Variants in RGS7 observed in about 807,000 individuals in gnomAD.
RGS7 encodes the protein regulator of G protein signaling 7, also known as regulator of G-protein signaling 7.
RGS7 carries 27 observed loss-of-function variants against 81.1 expected under a neutral mutation model. The observed-to-expected ratio is 0.33, with a 90% CI of 0.25 to 0.46. The LOEUF (loss-of-function observed/expected upper bound fraction) is 0.46, where lower values mean the gene tolerates loss of function less well. Ranked by LOEUF, RGS7 falls within the 20% of genes least tolerant of loss-of-function variation. RGS7 has a pLI of 1.00. For missense variants in RGS7, 396 were observed against 607.4 expected (o/e 0.65, Z 3.66); for synonymous variants, 208 against 207.7 (o/e 1.00, Z -0.01).
At chr1:241,050,782 T>C (rs906490580) in intron 3 of RGS7, among the ~76,000 whole-genome samples, 1 of 152,216 alleles carries the variant, frequency 6.6e-6, no homozygotes, top group African/African-American at 2.4e-5. Flanking sequence ...AGTAAGTATA[T>C]CTTCTCTTCC....
intron 2 of RGS7, among the ~76,000 whole-genome samples, chr1:241,243,491 T>C (rs1356035365): frequency 2.0e-5 from 3 of 151,918 alleles, no homozygotes; most frequent in South Asian, 4.2e-4. Flanking sequence ...GGGAGAGAAA[T>C]GGATGAATTT....
At chr1:241,081,415 C>T (rs973125522) in intron 3 of RGS7, among the ~76,000 whole-genome samples, 1 of 152,244 alleles carries the variant, frequency 6.6e-6, no homozygotes, top group African/African-American at 2.4e-5. Flanking sequence ...TATGCCTGCA[C>T]TATGTTTGCT....
rs1462601789 is a variant in RGS7 at position 240,991,881 on chromosome 1, A to AT, written c.176-8753dup. 4.6e-5 allele frequency among the ~76,000 whole-genome samples: 7 copies of AT among 152,260 alleles called. No individual in the cohort carries two copies. In the East Asian group the frequency reaches 1.2e-3, roughly 25 times the overall value. On this transcript the variant is annotated intron_variant, in intron 3 of 18. Transcript: ENST00000440928. ...GATCATTCTTGCCCTCAACACATAT[A>AT]TTTTTTTCCAGCTACACACAGGCCA...
At chr1:241,047,829 T>A (rs938113514) in intron 3 of RGS7, among the ~76,000 whole-genome samples, 2 of 135,554 alleles carry the variant, frequency 1.5e-5, no homozygotes, top group Non-Finnish European at 3.1e-5. Flanking sequence ...AACCTCCGCC[T>A]CCCAGGTTCA....
chr1:241,223,712 A>G (rs1243606387), intron 2 of RGS7, among the ~76,000 whole-genome samples: 1 of 47,338 alleles, frequency 2.1e-5, no homozygotes, highest in African/African-American at 7.7e-5. Context: ...AGACATTGCA[A>G]AAAAAAAAAA....
rs148262602 is a variant in RGS7, at chr1:240,849,142, G to A, written c.609+19445C>T. Among the ~76,000 whole-genome samples, 965 of 152,216 alleles carry A rather than the reference G, an allele frequency of 6.3e-3. 14 individuals carry two copies. Among genetic ancestry groups the A allele is most frequent in the African/African-American group, 0.022 (917 of 41,514 alleles). On this transcript the variant is annotated intron_variant, in intron 9 of 18. Coordinates refer to ENST00000440928, the MANE Select transcript of RGS7 (RefSeq NM_001364886.1). ...TTTTCCAGAATAATTCTATCATGTGGTGTGAGATTTCCAGAGAGGTGTATC... is the reference window on the plus strand; with the variant it reads ...TTTTCCAGAATAATTCTATCATGTGATGTGAGATTTCCAGAGAGGTGTATC...
In RGS7 at chr1:241,332,165, C is replaced by T. The variant is rs115733969; in HGVS notation, c.78+23534G>A. Reference sequence around the variant, plus strand: ...AGTAATGGAAATCGTAAGCACAGGACTGGAGTTAAGTGAAGCATCAGCCAG... The same window carrying T: ...AGTAATGGAAATCGTAAGCACAGGATTGGAGTTAAGTGAAGCATCAGCCAG... On this transcript the variant is annotated intron_variant, in intron 2 of 18. Coordinates refer to ENST00000440928, the MANE Select transcript of RGS7 (RefSeq NM_001364886.1). 6.8e-3 allele frequency among the ~76,000 whole-genome samples: 1,034 copies of T among 152,236 alleles called. 9 individuals carry two copies. The highest frequency in any genetic ancestry group is 0.01 in the Middle Eastern group (3 of 294).
At chr1:241,009,695 T>C (rs1260926544) in intron 3 of RGS7, among the ~76,000 whole-genome samples, 2 of 152,146 alleles carry the variant, frequency 1.3e-5, no homozygotes, top group Admixed American at 1.3e-4. Context: ...AACCCAGAAA[T>C]TGGAAGTGAA....
At chr1:241,222,415 A>G (rs897197772) in intron 2 of RGS7, among the ~76,000 whole-genome samples, 23 of 152,166 alleles carry the variant, frequency 1.5e-4, no homozygotes, top group Admixed American at 1.2e-3. Flanking sequence ...TGATTCTAAT[A>G]TGTCAATAAT....
chr1:241,224,812 T>C (rs1388648767), intron 2 of RGS7, among the ~76,000 whole-genome samples: 1 of 152,156 alleles, frequency 6.6e-6, no homozygotes, highest in East Asian at 1.9e-4. Context: ...GGCAAGCTTT[T>C]CTGAACAGGT....
chr1:240,782,067 T>G (rs1039802067), intron 18 of RGS7, among the ~76,000 whole-genome samples: 1 of 152,016 alleles, frequency 6.6e-6, no homozygotes, highest in Admixed American at 6.5e-5. Context: ...GCAGACAGCA[T>G]GGATGCCCAA....
At chr1:240,884,614 C>G (rs1031998729) in intron 6 of RGS7, among the ~76,000 whole-genome samples, 2 of 152,156 alleles carry the variant, frequency 1.3e-5, no homozygotes, top group East Asian at 3.9e-4. Flanking sequence ...ATTCCTGCAA[C>G]CATTTGATCT....
intron 2 of RGS7, among the ~76,000 whole-genome samples, chr1:241,134,591 A>G (rs1428414027): frequency 6.6e-6 from 1 of 152,174 alleles, no homozygotes; most frequent in African/African-American, 2.4e-5. Context: ...CTATCCCCAC[A>G]CCTACGCCAT....
chr1:241,140,161 T>C (rs967136064), intron 2 of RGS7, among the ~76,000 whole-genome samples: 8 of 152,188 alleles, frequency 5.3e-5, no homozygotes, highest in Admixed American at 3.3e-4. Flanking sequence ...GAGAGCAACA[T>C]TGAAGAGCAT....
At chr1:240,922,059 A>C (rs1210975326) in intron 6 of RGS7, among the ~76,000 whole-genome samples, 3 of 152,092 alleles carry the variant, frequency 2.0e-5, no homozygotes, top group Non-Finnish European at 4.4e-5. Flanking sequence ...AAATAAATCA[A>C]GGAAAAAGAA....
intron 4 of RGS7, among the ~76,000 whole-genome samples, chr1:240,973,877 G>A (rs1375803566): frequency 1.3e-5 from 2 of 152,238 alleles, no homozygotes; most frequent in East Asian, 1.9e-4. Flanking sequence ...ACTGCGCCCG[G>A]CCAGAGACAT....
intron 3 of RGS7, among the ~76,000 whole-genome samples, chr1:241,057,588 C>T (rs573648086): frequency 1.1e-4 from 17 of 152,272 alleles, no homozygotes; most frequent in African/African-American, 4.1e-4. Context: ...ATTCTTCTTA[C>T]TGTAGGATCT....
intron 2 of RGS7, among the ~76,000 whole-genome samples, chr1:241,278,815 C>G (rs1223276851): frequency 6.6e-6 from 1 of 152,222 alleles, no homozygotes; most frequent in Non-Finnish European, 1.5e-5. Context: ...TGACTTCTTT[C>G]ACTGCACTTG....
intron 3 of RGS7, among the ~76,000 whole-genome samples, chr1:240,992,335 T>C (rs1686573837): frequency 6.6e-6 from 1 of 152,080 alleles, no homozygotes; most frequent in Non-Finnish European, 1.5e-5. Flanking sequence ...ACCTCGTCTC[T>C]ACTATAAATA....
Sources: allele counts gnomAD v4.1 joint callset (sites outside exome capture counted in the v4.1 genomes callset), GRCh38; gene constraint gnomAD v4.1.1; transcripts MANE v1.5; gene names NCBI Gene and HGNC (gene_info 2026-07-23, HGNC 2026-07-21).